Variants in RASL12 observed in about 807,000 individuals in gnomAD.
RASL12 encodes RAS like family 12, also known as ras-like protein family member 12.
RASL12 carries 16 observed loss-of-function variants against 22.9 expected under a neutral mutation model. That is an observed-to-expected ratio of 0.70 (90% CI 0.47 to 1.06). RASL12 has a LOEUF of 1.06. Among genes scored for constraint, RASL12 ranks in the 50% least tolerant of loss-of-function variants. The probability of loss-of-function intolerance (pLI) is 0.00; values close to 1 mark genes in which losing one functional copy is unlikely to be tolerated. For synonymous variants in RASL12, 159 were observed against 152.2 expected, an observed-to-expected ratio of 1.04 and a Z score of -0.33; for missense variants, 306 against 353.1, an observed-to-expected ratio of 0.87 and a Z score of 1.07.
chr15:65,065,156 T>G (rs1026086213), intron 2 of RASL12, 61 bp downstream of exon 2: 35 of 1,543,502 alleles, frequency 2.3e-5, no homozygotes, highest in Admixed American at 7.2e-5. Flanking sequence ...ACGGGGTGGG[T>G]CCCAGGAGAG....
chr15:65,061,577 T>C (rs186653717), intron 2 of RASL12, among the ~76,000 whole-genome samples: 6 of 152,308 alleles, frequency 3.9e-5, no homozygotes, highest in Admixed American at 6.5e-5. Context: ...TGTCCTTAAA[T>C]ATATGGGTTT....
intron 2 of RASL12, among the ~76,000 whole-genome samples, 161 bp from the exon 3 acceptor site, chr15:65,059,579 G>A (rs1406901479): frequency 2.0e-5 from 3 of 152,208 alleles, no homozygotes; most frequent in Non-Finnish European, 4.4e-5. Flanking sequence ...GGAGGCTACA[G>A]GCAGAACCTC....
At chr15:65,070,122 G>A (rs1214168838), upstream of RASL12, among the ~76,000 whole-genome samples, 1 of 152,170 alleles carries the variant, frequency 6.6e-6, no homozygotes, top group Non-Finnish European at 1.5e-5. Context: ...AAAAAAATTA[G>A]CTGGGTATGT....
chr15:65,055,544 G>T (rs1213574362), intron 4 of RASL12, among the ~76,000 whole-genome samples: 1 of 152,210 alleles, frequency 6.6e-6, no homozygotes, highest in Non-Finnish European at 1.5e-5. Flanking sequence ...TGTCACCCAG[G>T]CCAGAATTTT....
At chr15:65,062,968 G>A (rs1031353280) in intron 2 of RASL12, among the ~76,000 whole-genome samples, 4 of 152,172 alleles carry the variant, frequency 2.6e-5, no homozygotes, top group Non-Finnish European at 5.9e-5. Context: ...AGTGTAGTGT[G>A]AGAGACCACA....
At chr15:65,049,865 A>C, downstream of RASL12, 1 of 523,006 alleles carries the variant, frequency 1.9e-6, no homozygotes, top group South Asian at 2.6e-5. Flanking sequence ...CTCGGGTGGG[A>C]TATCCAGTCA....
downstream of RASL12, chr15:65,052,970 G>A: frequency 6.2e-7 from 1 of 1,611,686 alleles, no homozygotes; most frequent in Non-Finnish European, 8.5e-7. Flanking sequence ...CCCCAGAAAA[G>A]AAAAGATGCA....
intron 2 of RASL12, 136 bp from the exon 3 acceptor site, chr15:65,059,554 G>T (rs184975385): frequency 2.9e-6 from 2 of 682,660 alleles, no homozygotes; most frequent in Non-Finnish European, 5.3e-6. Flanking sequence ...GAAAGTCCTT[G>T]GTTCTCACCC....
Position 65,075,439 on chromosome 15 carries a change from C to T in RASL12, c.70+1090G>A, listed in dbSNP as rs2140540993. On this transcript the variant is annotated intron_variant, in intron 1 of 4. Coordinates refer to the RASL12 transcript ENST00000434605. ...ATGGTGCAGGACTGGCAGGCAACTC[C>T]ACCTGCAGCCCTGGTGCAGGATCCA... Among the ~76,000 whole-genome samples, 2 of 152,370 alleles carry T rather than the reference C, an allele frequency of 1.3e-5. 1 individual carries two copies. Among genetic ancestry groups the T allele is most frequent in the South Asian group, 4.1e-4 (2 of 4,830 alleles).
rs575584642 is a variant in RASL12, at chr15:65,055,634, C to T, written c.426-360G>A. 2.0e-5 allele frequency among the ~76,000 whole-genome samples: 3 copies of T among 152,256 alleles called. No homozygotes were observed. The East Asian group carries it at 5.8e-4, about 29-fold the overall frequency. ...TGTGGCTGGAGGAAGCAGGCCATTCCCAGCCCCATCTCTTCTCTACCCCAT... is the reference window on the plus strand; with the variant it reads ...TGTGGCTGGAGGAAGCAGGCCATTCTCAGCCCCATCTCTTCTCTACCCCAT... On this transcript the variant is annotated intron_variant, in intron 4 of 4. Coordinates refer to ENST00000220062, the MANE Select transcript of RASL12 (RefSeq NM_016563.4).
At chr15:65,071,529 C>T (rs943022002), upstream of RASL12, among the ~76,000 whole-genome samples, 2 of 152,164 alleles carry the variant, frequency 1.3e-5, no homozygotes, top group African/African-American at 4.8e-5. Context: ...AAACATGACC[C>T]CCCACCTTGG....
intron 4 of RASL12, among the ~76,000 whole-genome samples, chr15:65,057,905 C>T (rs1421616113): frequency 2.0e-5 from 3 of 152,180 alleles, no homozygotes; most frequent in Admixed American, 6.5e-5. Context: ...GGTGCAGTTG[C>T]TGTGTGACCC....
chr15:65,047,795 T>TA, the RASL12 span, among the ~76,000 whole-genome samples: 1 of 149,832 alleles, frequency 6.7e-6, no homozygotes, highest in African/African-American at 2.5e-5. Flanking sequence ...GATCGATAGA[T>TA]GATAGATAGA....
chr15:65,073,602 G>T (rs2086946421), intron 1 of RASL12, among the ~76,000 whole-genome samples: 1 of 152,192 alleles, frequency 6.6e-6, no homozygotes, highest in Non-Finnish European at 1.5e-5. Context: ...GCGCGGCCTG[G>T]TTCCTAAGGT....
At chr15:65,058,705 T>A in intron 3 of RASL12, 88 bp from the exon 4 acceptor site, 1 of 957,726 alleles carries the variant, frequency 1.0e-6, no homozygotes, top group Non-Finnish European at 1.5e-6. Context: ...ACCTCCCCAC[T>A]CCCCGGTCTT....
Position 65,059,340 on chromosome 15 carries a change from G to C in RASL12, c.234+5C>G. The C allele has an allele frequency of 6.2e-7, 1 of 1,613,024 alleles. No homozygotes were observed. ...GCAGTGCATAGGTAATGGAGGTAAT[G>C]TTACCAGGTCTGCAGTGTCCATGAC... On this transcript the variant is annotated splice_donor_5th_base_variant and intron_variant, in intron 3 of 4. Coordinates refer to ENST00000220062, the MANE Select transcript of RASL12 (RefSeq NM_016563.4).
At chr15:65,057,266 A>G (rs2086743910) in intron 4 of RASL12, among the ~76,000 whole-genome samples, 1 of 152,192 alleles carries the variant, frequency 6.6e-6, no homozygotes, top group Non-Finnish European at 1.5e-5. Context: ...GGACTGACCA[A>G]CCGTGAACAG....
downstream of RASL12, among the ~76,000 whole-genome samples, chr15:65,048,355 C>T (rs772361818): frequency 2.6e-5 from 4 of 152,076 alleles, no homozygotes; most frequent in Non-Finnish European, 5.9e-5. Flanking sequence ...TTAGTTTTCT[C>T]AGAGCATTTA....
At chr15:65,070,152 C>T (rs116147615), upstream of RASL12, among the ~76,000 whole-genome samples, 897 of 152,278 alleles carry the variant, frequency 5.9e-3, 10 homozygotes, top group African/African-American at 0.021. Flanking sequence ...ACTATAGTCC[C>T]AGCTACATGG....
Sources: allele counts gnomAD v4.1 joint callset (sites outside exome capture counted in the v4.1 genomes callset), GRCh38; gene constraint gnomAD v4.1.1; transcripts MANE v1.5; gene names NCBI Gene and HGNC (gene_info 2026-07-23, HGNC 2026-07-21).